The following SND1 variants were observed in gnomAD, a reference collection of about 807,000 sequenced individuals.
SND1 encodes staphylococcal nuclease and tudor domain containing 1, also known as staphylococcal nuclease domain-containing protein 1.
In SND1, 38 loss-of-function variants were observed where a neutral mutation model predicts 121.7. The ratio of observed to expected loss-of-function variants is 0.31; its 90% CI spans 0.24 to 0.41. SND1 has a LOEUF of 0.41. Ranked by LOEUF, SND1 falls within the 10% of genes least tolerant of loss-of-function variation. The pLI, the probability that SND1 is intolerant of heterozygous loss-of-function variation, is 1.00. For synonymous variants in SND1, 401 were observed against 447.4 expected (o/e 0.90, Z 1.31); for missense variants, 868 against 1,184.6 (o/e 0.73, Z 3.92).
chr7:128,071,033 C>A (rs1793401067), intron 16 of SND1, among the ~76,000 whole-genome samples: 1 of 152,148 alleles, frequency 6.6e-6, no homozygotes, highest in Admixed American at 6.6e-5. Context: ...TATTTAGCAT[C>A]ATGTTATTGC....
chr7:128,045,290 C>A (rs1287418536), intron 16 of SND1, among the ~76,000 whole-genome samples: 1 of 152,180 alleles, frequency 6.6e-6, no homozygotes, highest in Non-Finnish European at 1.5e-5. Context: ...CAGTGGCTGC[C>A]CCCAGAATAG....
chr7:127,712,452 G>A (rs1454685153), intron 9 of SND1, among the ~76,000 whole-genome samples: 1 of 152,272 alleles, frequency 6.6e-6, no homozygotes. Flanking sequence ...GACCCACCAT[G>A]CCTGGCCAGG....
At chr7:127,993,841 C>T (rs1802574710) in intron 16 of SND1, among the ~76,000 whole-genome samples, 1 of 152,208 alleles carries the variant, frequency 6.6e-6, no homozygotes, top group South Asian at 2.1e-4. Context: ...ACTTCCTGGG[C>T]CCCTGTGTGA....
chr7:127,829,631 C>G (rs944689193), intron 11 of SND1, among the ~76,000 whole-genome samples: 1 of 152,176 alleles, frequency 6.6e-6, no homozygotes, highest in Non-Finnish European at 1.5e-5. Flanking sequence ...CATACTTTCT[C>G]TTATTATAGC....
At chr7:127,710,123 C>T (rs1796272954) in intron 9 of SND1, among the ~76,000 whole-genome samples, 1 of 151,052 alleles carries the variant, frequency 6.6e-6, no homozygotes, top group South Asian at 2.1e-4. Flanking sequence ...ATGGATTTTG[C>T]GTTAATAAAA....
chr7:127,708,299 G>C (rs1049840742), intron 9 of SND1, among the ~76,000 whole-genome samples: 3 of 152,040 alleles, frequency 2.0e-5, no homozygotes, highest in Non-Finnish European at 4.4e-5. Context: ...GTTAGGCCAA[G>C]CTGTGATGTT....
intron 1 of SND1, among the ~76,000 whole-genome samples, chr7:127,661,405 T>C (rs927352273): frequency 2.0e-5 from 3 of 152,226 alleles, no homozygotes; most frequent in Non-Finnish European, 1.5e-5. Context: ...TGGAAGTCTT[T>C]AGTGTCATTT....
intron 16 of SND1, among the ~76,000 whole-genome samples, chr7:128,033,253 C>T (rs1792684790): frequency 6.6e-6 from 1 of 152,190 alleles, no homozygotes; most frequent in African/African-American, 2.4e-5. Flanking sequence ...GAGAAGGGGA[C>T]TAGGTCAGCT....
intron 9 of SND1, among the ~76,000 whole-genome samples, chr7:127,708,409 C>T (rs1158018026): frequency 4.2e-5 from 2 of 47,222 alleles, no homozygotes; most frequent in African/African-American, 1.1e-4. Context: ...CTCCCTTCCT[C>T]CCTTCCTGCC....
At chr7:127,993,214 TG>T in intron 16 of SND1, among the ~76,000 whole-genome samples, 1 of 152,252 alleles carries the variant, frequency 6.6e-6, no homozygotes, top group Non-Finnish European at 1.5e-5. Context: ...ATATTATATA[TG>T]AAAACTGTTT....
intron 14 of SND1, among the ~76,000 whole-genome samples, chr7:127,922,639 G>GC (rs916289908): frequency 6.6e-6 from 1 of 152,086 alleles, no homozygotes; most frequent in African/African-American, 2.4e-5. Flanking sequence ...TCCATATGTT[G>GC]GAGTGCTATC....
intron 1 of SND1, among the ~76,000 whole-genome samples, chr7:127,666,919 A>G (rs1795430004): frequency 6.6e-6 from 1 of 152,154 alleles, no homozygotes; most frequent in Non-Finnish European, 1.5e-5. Context: ...CTTTATGATA[A>G]TCTCCCTAGG....
At position 127,953,288 on chromosome 7, in the gene SND1, G is replaced by C. The variant is rs569016663; in HGVS notation, c.1669+23959G>C. On this transcript the variant is annotated intron_variant, in intron 15 of 23. Coordinates refer to ENST00000354725, the MANE Select transcript of SND1 (RefSeq NM_014390.4). ...TCCTCGCCTGCCAACATCAAGATCTGCTAATGGGAGCAGAGGTCTTGTCCT... is the reference window on the plus strand; with the variant it reads ...TCCTCGCCTGCCAACATCAAGATCTCCTAATGGGAGCAGAGGTCTTGTCCT... Among the ~76,000 whole-genome samples the C allele has an allele frequency of 2.6e-5, 4 of 151,568 alleles. No homozygotes were observed. The South Asian group carries it at 8.3e-4, about 32-fold the overall frequency.
intron 16 of SND1, among the ~76,000 whole-genome samples, chr7:128,017,511 G>A (rs1803251964): frequency 6.6e-6 from 1 of 152,188 alleles, no homozygotes; most frequent in African/African-American, 2.4e-5. Flanking sequence ...TTCTCTCTGG[G>A]GGACAAGTCA....
At chr7:127,813,656 G>A (rs1001054861) in intron 11 of SND1, among the ~76,000 whole-genome samples, 1 of 152,104 alleles carries the variant, frequency 6.6e-6, no homozygotes, top group African/African-American at 2.4e-5. Context: ...CCGCCTCCCA[G>A]GTTCAAGTGA....
chr7:128,050,674 G>C (rs1025653320), intron 16 of SND1, among the ~76,000 whole-genome samples: 6 of 152,082 alleles, frequency 3.9e-5, no homozygotes, highest in Non-Finnish European at 7.4e-5. Flanking sequence ...CCCAGTCTTA[G>C]GGCCCAAATC....
intron 1 of SND1, among the ~76,000 whole-genome samples, chr7:127,658,561 G>A (rs1300244942): frequency 6.6e-6 from 1 of 152,178 alleles, no homozygotes. Context: ...GTTACTACAT[G>A]GAATTTACTG....
intron 12 of SND1, among the ~76,000 whole-genome samples, chr7:127,862,459 G>T (rs1004847763): frequency 6.6e-6 from 1 of 152,188 alleles, no homozygotes; most frequent in Non-Finnish European, 1.5e-5. Flanking sequence ...CAAAATTGCT[G>T]TGATAGCCAT....
intron 12 of SND1, among the ~76,000 whole-genome samples, chr7:127,869,983 C>G (rs1799550919): frequency 6.6e-6 from 1 of 152,070 alleles, no homozygotes; most frequent in Non-Finnish European, 1.5e-5. Context: ...ATAGTTTGTT[C>G]TGGTTGACTT....
Sources: allele counts gnomAD v4.1 joint callset (sites outside exome capture counted in the v4.1 genomes callset), GRCh38; gene constraint gnomAD v4.1.1; transcripts MANE v1.5; gene names NCBI Gene and HGNC (gene_info 2026-07-23, HGNC 2026-07-21).